The following KCNB2 variants were observed in gnomAD, a reference collection of about 807,000 sequenced individuals.
The protein encoded by KCNB2 is potassium voltage-gated channel subfamily B member 2.
In KCNB2, 15 loss-of-function variants were observed where a neutral mutation model predicts 61.5. The ratio of observed to expected loss-of-function variants is 0.24; its 90% CI spans 0.16 to 0.38. The LOEUF is 0.38. KCNB2 is among the 10% of genes least tolerant of loss of function. The probability of loss-of-function intolerance (pLI) is 1.00; values close to 1 mark genes in which losing one functional copy is unlikely to be tolerated. For missense variants in KCNB2, 828 were observed against 1,125.2 expected, an observed-to-expected ratio of 0.74 and a Z score of 3.78; for synonymous variants, 457 against 446.0, an observed-to-expected ratio of 1.02 and a Z score of -0.31.
In KCNB2 at chr8:72,922,196, C is replaced by G. The variant is rs72653572; in HGVS notation, c.580-13739C>G. Among the ~76,000 whole-genome samples the G allele has an allele frequency of 4.2e-3, 642 of 152,300 alleles. 1 individual carries two copies. The highest frequency in any genetic ancestry group is 6.6e-3 in the Non-Finnish European group (450 of 68,024). ...ACTCCAATCTCTGCCTCTGTTGTTA[C>G]ATGGCTATCTGCCCTCTGTGGGCCT... On this transcript the variant is annotated intron_variant, in intron 2 of 2. Transcript: ENST00000523207.
chr8:72,682,605 A>C (rs968548388), intron 2 of KCNB2, among the ~76,000 whole-genome samples: 2 of 151,648 alleles, frequency 1.3e-5, no homozygotes, highest in Non-Finnish European at 2.9e-5. Flanking sequence ...AAAAAAAAAA[A>C]AAAAAAAGGA....
At position 72,937,331 on chromosome 8, in the gene KCNB2, G is replaced by T. The variant is rs867236998; in HGVS notation, c.1976G>T (p.Gly659Val). The change falls in exon 3 of 3, where the codon GGA becomes GTA. Residue 659 changes from glycine (G) to valine (V), a missense_variant. By Grantham distance (109) the Gly-to-Val change is moderately radical (BLOSUM62 -3). Transcript: ENST00000523207. ...TTTCTAACTCTATCCAGAGAGAAAG[G>T]ACCTGCTGCCAGGGATGGCACGCTG... is the stretch of plus-strand genomic sequence containing the variant. The part of the protein sequence containing the change: ...PPFLTLSREK[G>V]PAARDGTLEY... The T allele has an allele frequency of 6.2e-7, 1 of 1,613,994 alleles. No individual in the cohort carries two copies. Among genetic ancestry groups the T allele is most frequent in the Non-Finnish European group, 8.5e-7 (1 of 1,180,004 alleles).
intron 2 of KCNB2, among the ~76,000 whole-genome samples, chr8:72,862,899 A>T (rs1454337584): frequency 2.0e-5 from 3 of 152,124 alleles, no homozygotes; most frequent in Admixed American, 6.6e-5. Context: ...GTCAGCATAC[A>T]CTCTTCACTT....
rs542702247 is a variant in KCNB2, at chr8:72,585,381, T to C, written c.579+17068T>C. Among the ~76,000 whole-genome samples, 220 of 152,354 alleles carry C rather than the reference T, an allele frequency of 1.4e-3. 1 individual carries two copies. The highest frequency in any genetic ancestry group is 5.1e-3 in the African/African-American group (212 of 41,574). On this transcript the variant is annotated intron_variant, in intron 2 of 2. Transcript: ENST00000523207. ...CTTGACTGCATTTTCTGTGAATATATGTTCATTTCCTCAGTTAGAGCTTAA... is the reference window on the plus strand; with the variant it reads ...CTTGACTGCATTTTCTGTGAATATACGTTCATTTCCTCAGTTAGAGCTTAA...
At chr8:72,584,171 A>G (rs1360847600) in intron 2 of KCNB2, among the ~76,000 whole-genome samples, 1 of 152,180 alleles carries the variant, frequency 6.6e-6, no homozygotes. Flanking sequence ...AACCAGGCAC[A>G]GACAGATCTA....
chr8:72,696,348 C>T (rs1014153601), intron 2 of KCNB2, among the ~76,000 whole-genome samples: 1 of 152,094 alleles, frequency 6.6e-6, no homozygotes, highest in Non-Finnish European at 1.5e-5. Context: ...AATTCGCAAG[C>T]AAGAGATGAT....
At chr8:72,896,580 A>G (rs1440702756) in intron 2 of KCNB2, among the ~76,000 whole-genome samples, 1 of 152,170 alleles carries the variant, frequency 6.6e-6, no homozygotes, top group Non-Finnish European at 1.5e-5. Flanking sequence ...TAAATATACA[A>G]AGGTTATCCT....
rs1491494090 is a variant in KCNB2, at chr8:72,561,789, A to ATATG, written c.-93-5853_-93-5852insTATG. 2.7e-3 allele frequency among the ~76,000 whole-genome samples: 89 copies of ATATG among 33,556 alleles called. 10 individuals are homozygous for ATATG. Among genetic ancestry groups the ATATG allele is most frequent in the South Asian group, 0.011 (18 of 1,592 alleles). 22.0% of individuals were successfully genotyped at this position (33,556 alleles called of 152,430 possible). The stretch of plus-strand genomic sequence containing the variant: ...TATATATATATATGGATATATATAT[A>ATATG]CATATATATATATATGAATGATAGT... On this transcript the variant is annotated intron_variant, in intron 1 of 2. Transcript: ENST00000523207.
intron 2 of KCNB2, among the ~76,000 whole-genome samples, chr8:72,725,575 G>GTATATATATATGTATGTATATATATA (rs1807628579): frequency 1.2e-5 from 1 of 80,490 alleles, no homozygotes; most frequent in Non-Finnish European, 2.1e-5. Context: ...GTATATATAT[G>GTATATATATATGTATGTATATATATA]TATATATATA....
intron 2 of KCNB2, among the ~76,000 whole-genome samples, chr8:72,659,922 G>A (rs1340886377): frequency 6.6e-6 from 1 of 152,164 alleles, no homozygotes; most frequent in African/African-American, 2.4e-5. Context: ...TCACTTTAAT[G>A]TATTTTTACT....
chr8:72,813,836 G>A (rs1004683500), intron 2 of KCNB2, among the ~76,000 whole-genome samples: 1 of 152,134 alleles, frequency 6.6e-6, no homozygotes, highest in African/African-American at 2.4e-5. Context: ...TGTAAATGAA[G>A]TCATGAGTGC....
intron 2 of KCNB2, among the ~76,000 whole-genome samples, chr8:72,821,914 C>T (rs571560935): frequency 6.6e-6 from 1 of 152,216 alleles, no homozygotes; most frequent in African/African-American, 2.4e-5. Context: ...CCTACCACTC[C>T]CCACACACAT....
chr8:72,646,035 A>C (rs922554568), intron 2 of KCNB2, among the ~76,000 whole-genome samples: 9 of 152,164 alleles, frequency 5.9e-5, no homozygotes, highest in African/African-American at 2.2e-4. Context: ...ATTTTAAAAC[A>C]TGGATGAAAG....
At chr8:72,724,728 A>AT in intron 2 of KCNB2, among the ~76,000 whole-genome samples, 1 of 152,268 alleles carries the variant, frequency 6.6e-6, no homozygotes. Context: ...TGCATCCTGT[A>AT]TTTTTTCTTG....
chr8:72,736,047 A>G, intron 2 of KCNB2, among the ~76,000 whole-genome samples: 1 of 152,168 alleles, frequency 6.6e-6, no homozygotes. Flanking sequence ...AAATTCCAAC[A>G]ACACTGAAAA....
chr8:72,609,649 G>A (rs909055799), intron 2 of KCNB2, among the ~76,000 whole-genome samples: 12 of 152,014 alleles, frequency 7.9e-5, no homozygotes, highest in African/African-American at 2.4e-4. Context: ...CTGGTATCAG[G>A]CAAAAACACC....
chr8:72,768,467 GC>G (rs1312728543), intron 2 of KCNB2, among the ~76,000 whole-genome samples: 3 of 152,048 alleles, frequency 2.0e-5, no homozygotes, highest in African/African-American at 7.2e-5. Context: ...GAGCTACCGG[GC>G]CCAGCCATCT....
intron 2 of KCNB2, among the ~76,000 whole-genome samples, chr8:72,677,394 C>A (rs1227551238): frequency 1.3e-5 from 2 of 152,210 alleles, no homozygotes; most frequent in African/African-American, 4.8e-5. Context: ...ATCCTCAGGA[C>A]AATTTCCCCT....
At chr8:72,613,987 A>G (rs929720328) in intron 2 of KCNB2, among the ~76,000 whole-genome samples, 8 of 152,204 alleles carry the variant, frequency 5.3e-5, no homozygotes, top group African/African-American at 1.9e-4. Flanking sequence ...CAAAGCATAA[A>G]TGTGGACGAT....
Sources: allele counts gnomAD v4.1 joint callset (sites outside exome capture counted in the v4.1 genomes callset), GRCh38; gene constraint gnomAD v4.1.1; transcripts MANE v1.5; gene names NCBI Gene and HGNC (gene_info 2026-07-23, HGNC 2026-07-21).